The following PAK1 variants were observed in gnomAD, a reference collection of about 807,000 sequenced individuals.
PAK1 encodes the protein serine/threonine-protein kinase PAK 1.
A neutral mutation model predicts 67.4 loss-of-function variants in PAK1; 29 were observed. That is an observed-to-expected ratio of 0.43 (90% CI 0.32 to 0.59). The LOEUF is 0.59. PAK1 is among the 20% of genes least tolerant of loss of function. The pLI is 0.07. For synonymous variants in PAK1, 223 were observed against 237.4 expected (o/e 0.94, Z 0.56); for missense variants, 337 against 670.7 (o/e 0.50, Z 5.50).
At chr11:77,527,779 G>A in the PAK1 span, among the ~76,000 whole-genome samples, 2 of 152,100 alleles carry the variant, frequency 1.3e-5, no homozygotes, top group East Asian at 1.9e-4. Flanking sequence ...GAATCCATGT[G>A]TTCATTATCA....
At chr11:77,381,169 GTGTGTGT>G (rs1232018685) in intron 2 of PAK1, among the ~76,000 whole-genome samples, 3,665 of 141,034 alleles carry the variant, frequency 0.026, 137 homozygotes, top group African/African-American at 0.091. Context: ...GTGTGTGTGT[GTGTGTGT>G]AGAGAGAGAG....
chr11:77,488,060 G>C, the PAK1 span, among the ~76,000 whole-genome samples: 1 of 152,220 alleles, frequency 6.6e-6, no homozygotes, highest in Non-Finnish European at 1.5e-5. Flanking sequence ...TCCAGCTCCA[G>C]GTGGCTCAGC....
At chr11:77,442,639 G>T (rs1036496319) in intron 1 of PAK1, among the ~76,000 whole-genome samples, 1 of 152,062 alleles carries the variant, frequency 6.6e-6, no homozygotes. Context: ...GAACCACCCA[G>T]CCCAGCCACT....
chr11:77,444,228 T>C (rs755347602), intron 1 of PAK1, among the ~76,000 whole-genome samples: 32 of 151,030 alleles, frequency 2.1e-4, no homozygotes, highest in Non-Finnish European at 4.0e-4. Flanking sequence ...GAATCCAGTT[T>C]CCTTCTTATT....
rs1233155113 is a variant in PAK1, at chr11:77,336,237, C to T, written c.1262G>A (p.Arg421Gln). ...GTATGGGGTTCCTACCATGGTGCTC[C>T]GTTTGCTCTGCTCTGGGGTTATCTG... ...CAQITPEQSK[R>Q]STMVGTPYWM... Residue 421 changes from arginine to glutamine, a missense_variant, in exon 13 of 15, where the codon CGG becomes CAG. Physicochemically the swap from Arg to Gln is conservative, Grantham distance 43. Transcript: ENST00000356341. 1.2e-6 allele frequency: 2 copies of T among 1,614,012 alleles called. No homozygotes were observed. The highest frequency in any genetic ancestry group is 1.7e-6 in the Non-Finnish European group (2 of 1,179,904).
the PAK1 span, among the ~76,000 whole-genome samples, chr11:77,528,197 T>A: frequency 6.6e-5 from 10 of 152,072 alleles, no homozygotes; most frequent in African/African-American, 2.2e-4. Flanking sequence ...AATATTTCAA[T>A]CTCTAAAAAT....
chr11:77,399,384 G>A (rs933418650), intron 1 of PAK1, among the ~76,000 whole-genome samples: 3 of 152,060 alleles, frequency 2.0e-5, no homozygotes, highest in Non-Finnish European at 4.4e-5. Flanking sequence ...GAAAAGAGGT[G>A]GTATTAAGAG....
chr11:77,406,229 C>G (rs1169408840), intron 1 of PAK1, among the ~76,000 whole-genome samples: 6 of 152,154 alleles, frequency 3.9e-5, no homozygotes. Flanking sequence ...ATCTCTAGAC[C>G]AAACAGCTTT....
At chr11:77,513,191 T>C in the PAK1 span, among the ~76,000 whole-genome samples, 1 of 152,182 alleles carries the variant, frequency 6.6e-6, no homozygotes, top group Non-Finnish European at 1.5e-5. Flanking sequence ...AGTCAAATCC[T>C]TTATGCCTCA....
the PAK1 span, among the ~76,000 whole-genome samples, chr11:77,500,443 GGCAACAGA>G: frequency 3.3e-5 from 5 of 151,934 alleles, no homozygotes; most frequent in Non-Finnish European, 7.4e-5. Context: ...CCCCAGCCTG[GGCAACAGA>G]GTGAGACTCC....
At chr11:77,358,716 A>G in intron 6 of PAK1, 182 bp downstream of exon 6, 4 of 674,290 alleles carry the variant, frequency 5.9e-6, no homozygotes, top group Non-Finnish European at 1.0e-5. Context: ...AAATAAACAC[A>G]TGATTTTTTG....
intron 1 of PAK1, among the ~76,000 whole-genome samples, chr11:77,433,970 A>G (rs2138354105): frequency 6.6e-6 from 1 of 152,278 alleles, no homozygotes; most frequent in East Asian, 1.9e-4. Context: ...TAAGATGCCT[A>G]AAATAAAAAG....
At chr11:77,513,808 G>A in the PAK1 span, among the ~76,000 whole-genome samples, 1 of 151,798 alleles carries the variant, frequency 6.6e-6, no homozygotes, top group Non-Finnish European at 1.5e-5. Flanking sequence ...AGGAAGGCCT[G>A]CCTGCTATTC....
chr11:77,364,197 C>A (rs1947187956), intron 5 of PAK1, among the ~76,000 whole-genome samples: 1 of 152,198 alleles, frequency 6.6e-6, no homozygotes, highest in Non-Finnish European at 1.5e-5. Flanking sequence ...TGGCTATGTG[C>A]ATACACATAA....
intron 10 of PAK1, among the ~76,000 whole-genome samples, chr11:77,342,399 G>T (rs1313052979): frequency 6.6e-6 from 1 of 152,040 alleles, no homozygotes; most frequent in Non-Finnish European, 1.5e-5. Flanking sequence ...CAATAACATC[G>T]TTTTATCATG....
intron 1 of PAK1, among the ~76,000 whole-genome samples, chr11:77,410,682 G>A (rs767897426): frequency 7.9e-5 from 12 of 151,460 alleles, no homozygotes; most frequent in Non-Finnish European, 1.5e-4. Flanking sequence ...AGGGGACGGC[G>A]GGAGAAAAGG....
intron 11 of PAK1, 146 bp downstream of exon 11, chr11:77,340,500 G>A (rs1943434236): frequency 1.5e-6 from 1 of 646,434 alleles, no homozygotes; most frequent in Admixed American, 2.3e-5. Flanking sequence ...ACAAACACAG[G>A]TACAATACAG....
intron 14 of PAK1, 84 bp downstream of exon 14, chr11:77,332,646 T>C (rs1565578333): frequency 9.2e-7 from 1 of 1,086,020 alleles, no homozygotes; most frequent in East Asian, 2.4e-5. Context: ...TTCTATAATA[T>C]CCAGTACCTT....
the PAK1 span, among the ~76,000 whole-genome samples, chr11:77,529,163 T>C: frequency 2.1e-4 from 32 of 152,326 alleles, no homozygotes; most frequent in African/African-American, 7.5e-4. Flanking sequence ...CTCAAAAATA[T>C]ACATTTTATG....
Sources: gnomAD v4.1 joint callset for allele counts (sites outside exome capture counted in the v4.1 genomes callset) on GRCh38, gnomAD v4.1.1 for gene constraint, MANE v1.5 for transcripts, NCBI Gene and HGNC (gene_info 2026-07-23, HGNC 2026-07-21) for gene names.